IGF1R: variants seen among roughly 807,000 people sequenced by gnomAD.
IGF1R encodes insulin-like growth factor 1 receptor.
IGF1R carries 44 observed loss-of-function variants against 144.6 expected under a neutral mutation model. The observed-to-expected ratio is 0.30, with a 90% confidence interval of 0.24 to 0.39. The LOEUF (loss-of-function observed/expected upper bound fraction) is 0.39. IGF1R is among the 10% of genes least tolerant of loss of function. IGF1R has a pLI of 1.00. For missense variants in IGF1R, 1,355 were observed against 1,833.7 expected (o/e 0.74, Z 4.77); for synonymous variants, 795 against 722.8 (o/e 1.10, Z -1.60).
intron 7 of IGF1R, among the ~76,000 whole-genome samples, chr15:98,911,695 G>A (rs6598555): frequency 0.9 from 137,453 of 152,186 alleles, 63,385 homozygotes; most frequent in East Asian, 0.99. Context: ...GTGATTAGAG[G>A]TGTTTGAATA....
At chr15:98,905,187 T>C (rs1567189215) in intron 5 of IGF1R, among the ~76,000 whole-genome samples, 1 of 152,134 alleles carries the variant, frequency 6.6e-6, no homozygotes, top group Non-Finnish European at 1.5e-5. Flanking sequence ...AGAGATAACA[T>C]AGAGATGTCC....
chr15:98,901,942 G>A (rs2014502111), intron 5 of IGF1R, among the ~76,000 whole-genome samples: 1 of 152,160 alleles, frequency 6.6e-6, no homozygotes, highest in Non-Finnish European at 1.5e-5. Flanking sequence ...AAGATGTTTT[G>A]CACGCAGGTA....
At position 98,961,095 on chromosome 15, in the gene IGF1R, C is replaced by T. The variant is rs142786518; in HGVS notation, c.*3653C>T. Reference sequence around the variant, plus strand: ...CCTAAGTGAAGGCGCTCAGGAGCCTCCTGCTGGAACGCGACCCATCTCTCC... The same window carrying T: ...CCTAAGTGAAGGCGCTCAGGAGCCTTCTGCTGGAACGCGACCCATCTCTCC... On this transcript the variant is annotated 3_prime_UTR_variant, in exon 21 of 21. Transcript: ENST00000650285. 4.3e-6 allele frequency: 1 copy of T among 233,460 alleles called. No homozygotes were observed. Among genetic ancestry groups the T allele is most frequent in the Admixed American group, 5.6e-5 (1 of 17,778 alleles). The allele number at this position is 233,460 out of a possible 1,614,324, so 14.5% of individuals were successfully genotyped here. A position where few individuals can be genotyped will look rare whatever the true frequency, so the allele number is the denominator to read the frequency against.
chr15:98,826,884 C>G (rs1020712516), intron 2 of IGF1R, among the ~76,000 whole-genome samples: 4 of 152,180 alleles, frequency 2.6e-5, no homozygotes, highest in African/African-American at 9.7e-5. Context: ...AAGAGCTGCT[C>G]CTGGAGCAGT....
chr15:98,837,270 C>T (rs1378654207), intron 2 of IGF1R, among the ~76,000 whole-genome samples: 5 of 152,000 alleles, frequency 3.3e-5, no homozygotes, highest in Admixed American at 6.6e-5. Context: ...GGCAGAATCT[C>T]GCTCAGTCGC....
rs191632521 is a variant in IGF1R at position 98,780,745 on chromosome 15, C to T, written c.640+72638C>T. Among the ~76,000 whole-genome samples the T allele has an allele frequency of 4.2e-4, 64 of 152,214 alleles. 1 individual carries two copies. The highest frequency in any genetic ancestry group is 1.3e-3 in the African/African-American group (53 of 41,536). On this transcript the variant is annotated intron_variant, in intron 2 of 20. Coordinates refer to ENST00000650285, the MANE Select transcript of IGF1R (RefSeq NM_000875.5). The stretch of plus-strand genomic sequence containing the variant: ...GGCAGTCTATCTCCTTAAGGATCTC[C>T]TTACGGTTTAGATAGATAAGTGAAT...
intron 6 of IGF1R, among the ~76,000 whole-genome samples, chr15:98,910,576 C>CATCAG (rs1293137305): frequency 6.6e-6 from 1 of 152,196 alleles, no homozygotes; most frequent in Non-Finnish European, 1.5e-5. Flanking sequence ...GGTGGGCAGT[C>CATCAG]ATCAGTCTTT....
chr15:98,806,064 C>G (rs542433214), intron 2 of IGF1R, among the ~76,000 whole-genome samples: 2 of 152,302 alleles, frequency 1.3e-5, no homozygotes, highest in East Asian at 3.9e-4. Flanking sequence ...GCTTTCAGGT[C>G]TGATAACTTG....
intron 2 of IGF1R, among the ~76,000 whole-genome samples, chr15:98,858,773 T>C (rs1159290432): frequency 6.6e-6 from 1 of 152,238 alleles, no homozygotes; most frequent in Non-Finnish European, 1.5e-5. Context: ...CACTCTGTTT[T>C]AGTAGCATCA....
At chr15:98,919,849 T>G (rs1351909178) in intron 10 of IGF1R, among the ~76,000 whole-genome samples, 1 of 152,224 alleles carries the variant, frequency 6.6e-6, no homozygotes, top group Admixed American at 6.5e-5. Context: ...GCTTTCTGTT[T>G]TACACGTGGA....
intron 2 of IGF1R, among the ~76,000 whole-genome samples, chr15:98,828,255 G>C (rs1440185078): frequency 1.3e-5 from 2 of 152,146 alleles, no homozygotes; most frequent in East Asian, 3.9e-4. Context: ...CAGACCGTCA[G>C]CTTCAGGAAG....
At chr15:98,680,572 T>A (rs893150614) in intron 1 of IGF1R, among the ~76,000 whole-genome samples, 1 of 151,870 alleles carries the variant, frequency 6.6e-6, no homozygotes, top group Non-Finnish European at 1.5e-5. Flanking sequence ...GGCCTTTTGT[T>A]TCGTTTTTAA....
At chr15:98,702,030 G>A (rs899057519) in intron 1 of IGF1R, among the ~76,000 whole-genome samples, 2 of 80,070 alleles carry the variant, frequency 2.5e-5, no homozygotes, top group South Asian at 5.9e-4. Flanking sequence ...TGGGAGTCAC[G>A]CTGTTTTTTT....
At chr15:98,659,958 C>T (rs1020259450) in intron 1 of IGF1R, among the ~76,000 whole-genome samples, 8 of 152,136 alleles carry the variant, frequency 5.3e-5, no homozygotes, top group African/African-American at 1.9e-4. Context: ...AGGTCCCACA[C>T]CGTCTATATT....
At chr15:98,658,638 G>T (rs1693228868) in intron 1 of IGF1R, among the ~76,000 whole-genome samples, 1 of 152,106 alleles carries the variant, frequency 6.6e-6, no homozygotes, top group African/African-American at 2.4e-5. Context: ...CCTTTTCTGT[G>T]GTTTGAATAG....
intron 2 of IGF1R, chr15:98,873,677 A>G (rs1034780018): frequency 3.3e-5 from 5 of 152,190 alleles, no homozygotes; most frequent in African/African-American, 1.2e-4. Flanking sequence ...GTGGTGGAAG[A>G]TTTCCTGTAA....
chr15:98,667,515 G>A (rs1293736608), intron 1 of IGF1R, among the ~76,000 whole-genome samples: 1 of 152,234 alleles, frequency 6.6e-6, no homozygotes. Flanking sequence ...ACCATGGCAC[G>A]CATGCTGTGT....
At chr15:98,667,548 C>T (rs1221630302) in intron 1 of IGF1R, among the ~76,000 whole-genome samples, 1 of 152,222 alleles carries the variant, frequency 6.6e-6, no homozygotes, top group African/African-American at 2.4e-5. Flanking sequence ...GTCCGCCTGT[C>T]TGCCTCTCCA....
In IGF1R at chr15:98,959,265, C is replaced by T. The variant is rs139984519; in HGVS notation, c.*1823C>T. The T allele has an allele frequency of 4.6e-4, 108 of 233,618 alleles. No individual in the cohort carries two copies. Among genetic ancestry groups the T allele is most frequent in the Non-Finnish European group, 8.1e-4 (95 of 117,976 alleles). 14.5% of individuals were successfully genotyped at this position (233,618 alleles called of 1,614,324 possible). A position where few individuals can be genotyped will look rare whatever the true frequency, so the allele number is the denominator to read the frequency against. On this transcript the variant is annotated 3_prime_UTR_variant, in exon 21 of 21. Coordinates refer to ENST00000650285, the MANE Select transcript of IGF1R (RefSeq NM_000875.5). ...CCGCAGACACTAGGCATTTGGATTA[C>T]TATTTTTCTTAATGGCTATTTAATC...
Sources: allele counts gnomAD v4.1 joint callset (sites outside exome capture counted in the v4.1 genomes callset), GRCh38; gene constraint gnomAD v4.1.1; transcripts MANE v1.5; gene names NCBI Gene and HGNC (gene_info 2026-07-23, HGNC 2026-07-21).